DCDC2: variants seen among roughly 807,000 people sequenced by gnomAD.
DCDC2 encodes doublecortin domain containing 2.
In DCDC2, 40 loss-of-function variants were observed where a neutral mutation model predicts 50.2. The observed-to-expected ratio is 0.80, with a 90% CI of 0.62 to 1.04. The LOEUF (loss-of-function observed/expected upper bound fraction) is 1.04. Ranked by LOEUF, DCDC2 falls within the 50% of genes least tolerant of loss-of-function variation. DCDC2 has a pLI of 0.00. For synonymous variants in DCDC2, 234 were observed against 210.6 expected, an observed-to-expected ratio of 1.11 and a Z score of -0.96; for missense variants, 570 against 581.9, an observed-to-expected ratio of 0.98 and a Z score of 0.21.
chr6:24,193,739 T>C (rs913398303), intron 8 of DCDC2, among the ~76,000 whole-genome samples: 2 of 152,030 alleles, frequency 1.3e-5, no homozygotes, highest in African/African-American at 4.8e-5. Flanking sequence ...AAGGGAAAGG[T>C]ATCTGTATGT....
chr6:24,235,154 T>C (rs915185385), intron 7 of DCDC2, among the ~76,000 whole-genome samples: 1 of 152,204 alleles, frequency 6.6e-6, no homozygotes, highest in Non-Finnish European at 1.5e-5. Context: ...CTCATAAGAA[T>C]GTGTAATACA....
intron 2 of DCDC2, among the ~76,000 whole-genome samples, chr6:24,318,813 T>G (rs1213680071): frequency 1.6e-5 from 2 of 121,920 alleles, no homozygotes; most frequent in African/African-American, 7.4e-5. Flanking sequence ...TATATCACAT[T>G]TTCTGTATCC....
upstream of DCDC2, among the ~76,000 whole-genome samples, chr6:24,359,124 TTA>T (rs1409218350): frequency 1.5e-5 from 1 of 68,148 alleles, no homozygotes; most frequent in African/African-American, 7.1e-5. Flanking sequence ...ATTATATATA[TTA>T]TATATTTTAT....
chr6:24,178,455 G>A lies in DCDC2; in HGVS notation c.1201C>T (p.Pro401Ser). 6.2e-7 allele frequency: 1 copy of A among 1,614,080 alleles called. No homozygotes were observed. The highest frequency in any genetic ancestry group is 8.5e-7 in the Non-Finnish European group (1 of 1,180,010). ...TCGGTGCCTCCATTTACACGAGCAG[G>A]GCGTGCCTGCTGCTCACTGTGATCC... is the stretch of plus-strand genomic sequence containing the variant. ...ILDHSEQQAR[P>S]ARVNGGTDEE... Residue 401 changes from proline to serine, a missense_variant, in exon 9 of 10, where the codon CCT (proline) becomes TCT (serine). Transcript: ENST00000378454.
intron 2 of DCDC2, among the ~76,000 whole-genome samples, chr6:24,326,694 C>A (rs1298518782): frequency 6.7e-6 from 1 of 148,336 alleles, no homozygotes; most frequent in Admixed American, 6.8e-5. Flanking sequence ...TCCGTCTCTA[C>A]TAAAAGTGCA....
At chr6:24,321,227 G>A (rs1341650031) in intron 2 of DCDC2, among the ~76,000 whole-genome samples, 2 of 76,536 alleles carry the variant, frequency 2.6e-5, no homozygotes, top group Non-Finnish European at 5.9e-5. Context: ...ATCACCTTTT[G>A]GTAAACACAA....
intron 7 of DCDC2, among the ~76,000 whole-genome samples, chr6:24,224,321 C>CTTTG (rs1267127333): frequency 6.6e-6 from 1 of 152,166 alleles, no homozygotes; most frequent in Non-Finnish European, 1.5e-5. Flanking sequence ...TACAAAGAAC[C>CTTTG]AGAGCCCTGC....
chr6:24,253,831 CT>C (rs1168749706), intron 7 of DCDC2, among the ~76,000 whole-genome samples: 1 of 152,160 alleles, frequency 6.6e-6, no homozygotes, highest in African/African-American at 2.4e-5. Context: ...TTACTGTAGA[CT>C]TTATAAATGC....
Position 24,199,375 on chromosome 6 carries a change from TG to T in DCDC2, c.1023+5626del, listed in dbSNP as rs1187527773. Among the ~76,000 whole-genome samples the T allele has an allele frequency of 3.3e-5, 5 of 152,306 alleles. No homozygotes were observed. The East Asian group carries it at 9.6e-4, about 29-fold the overall frequency. ...TGGTGATACCCAGGCAAACAGAGTCTGGGGTGGACCTCCAGCAAACTCCAGC... is the reference window on the plus strand; with the variant it reads ...TGGTGATACCCAGGCAAACAGAGTCTGGGTGGACCTCCAGCAAACTCCAGC... On this transcript the variant is annotated intron_variant, in intron 8 of 9. Transcript: ENST00000378454.
rs140640311 is a variant in DCDC2 at position 24,226,985 on chromosome 6, G to A, written c.923-21883C>T. Among the ~76,000 whole-genome samples the A allele has an allele frequency of 5.9e-3, 893 of 152,316 alleles. 12 individuals carry two copies. Among genetic ancestry groups the A allele is most frequent in the African/African-American group, 0.02 (846 of 41,564 alleles). On this transcript the variant is annotated intron_variant, in intron 7 of 9. Transcript: ENST00000378454. ...AGTGTTCTGGGAGATTTGGAGTGTAGAGATACCGAAGAGAAACTGCTTGTG... is the reference window on the plus strand; with the variant it reads ...AGTGTTCTGGGAGATTTGGAGTGTAAAGATACCGAAGAGAAACTGCTTGTG...
At chr6:24,341,945 CGT>C (rs1561781455) in intron 2 of DCDC2, among the ~76,000 whole-genome samples, 1 of 31,640 alleles carries the variant, frequency 3.2e-5, no homozygotes, top group Non-Finnish European at 6.5e-5. Flanking sequence ...TGTGTGCACG[CGT>C]ACACACACAC....
intron 2 of DCDC2, among the ~76,000 whole-genome samples, chr6:24,335,369 G>A (rs1325538232): frequency 5.3e-5 from 8 of 152,146 alleles, no homozygotes; most frequent in Admixed American, 2.0e-4. Context: ...TAGAATTAGC[G>A]GCATTAATTT....
At chr6:24,217,867 T>C (rs536614676) in intron 7 of DCDC2, among the ~76,000 whole-genome samples, 2 of 152,348 alleles carry the variant, frequency 1.3e-5, no homozygotes, top group Admixed American at 6.5e-5. Flanking sequence ...AAATAGAAGT[T>C]ATAATGTACT....
intron 7 of DCDC2, 81 bp from the exon 8 acceptor site, chr6:24,205,183 T>A (rs761534884): frequency 6.6e-5 from 107 of 1,613,954 alleles, no homozygotes; most frequent in Non-Finnish European, 9.1e-5. Flanking sequence ...AATCAAATGC[T>A]TATTTTTAAT....
At chr6:24,265,375 T>C (rs567944896) in intron 7 of DCDC2, among the ~76,000 whole-genome samples, 11 of 152,026 alleles carry the variant, frequency 7.2e-5, no homozygotes, top group Non-Finnish European at 1.2e-4. Context: ...GACAGAAAAT[T>C]AACAAAGAAA....
At chr6:24,207,076 G>C (rs1174279279) in intron 7 of DCDC2, among the ~76,000 whole-genome samples, 3 of 152,088 alleles carry the variant, frequency 2.0e-5, no homozygotes, top group Non-Finnish European at 4.4e-5. Context: ...TAAAATTAAA[G>C]GCAGAATATT....
intron 8 of DCDC2, among the ~76,000 whole-genome samples, chr6:24,178,913 G>T (rs569362147): frequency 8.3e-4 from 126 of 152,250 alleles, no homozygotes; most frequent in African/African-American, 2.9e-3. Context: ...AGATCCCACA[G>T]AAAGAGCCAG....
At chr6:24,297,656 T>C (rs77265394) in intron 4 of DCDC2, among the ~76,000 whole-genome samples, 9,778 of 152,208 alleles carry the variant, frequency 0.064, 530 homozygotes, top group African/African-American at 0.15. Context: ...TTATTACTTA[T>C]AGGGTGGATT....
At chr6:24,212,390 C>G (rs552751603) in intron 7 of DCDC2, among the ~76,000 whole-genome samples, 5 of 152,274 alleles carry the variant, frequency 3.3e-5, no homozygotes, top group African/African-American at 1.2e-4. Context: ...AGACAGTGGT[C>G]AGAAAACCCT....
Sources: gnomAD v4.1 joint callset for allele counts (sites outside exome capture counted in the v4.1 genomes callset) on GRCh38, gnomAD v4.1.1 for gene constraint, MANE v1.5 for transcripts, NCBI Gene and HGNC (gene_info 2026-07-23, HGNC 2026-07-21) for gene names.